Variants in MEP1A observed in about 807,000 individuals in gnomAD.
MEP1A encodes N-benzoyl-L-tyrosyl-P-amino-benzoic acid hydrolase subunit alpha.
MEP1A carries 68 observed loss-of-function variants against 84.5 expected under a neutral mutation model. That is an observed-to-expected ratio of 0.80 (90% CI 0.66 to 0.98). The LOEUF (loss-of-function observed/expected upper bound fraction) is 0.98, where lower values mean the gene tolerates loss of function less well. MEP1A is among the 50% of genes least tolerant of loss of function. The pLI, the probability that MEP1A is intolerant of heterozygous loss-of-function variation, is 0.00. For missense variants in MEP1A, 887 were observed against 919.9 expected, an observed-to-expected ratio of 0.96 and a Z score of 0.46; for synonymous variants, 337 against 336.8, an observed-to-expected ratio of 1.00 and a Z score of -0.01.
chr6:46,817,734 C>T (rs926783644), intron 6 of MEP1A, among the ~76,000 whole-genome samples: 3 of 151,918 alleles, frequency 2.0e-5, no homozygotes, highest in Admixed American at 6.5e-5. Context: ...TTTTTGTTTT[C>T]AAGTGAGTCC....
At chr6:46,842,300 T>A (rs1768347449), downstream of MEP1A, among the ~76,000 whole-genome samples, 1 of 152,094 alleles carries the variant, frequency 6.6e-6, no homozygotes, top group Admixed American at 6.5e-5. Context: ...GCCTGTGGGG[T>A]CGGGCAGAAT....
chr6:46,798,656 T>A lies in MEP1A; in HGVS notation c.186+10T>A, dbSNP rs753562075. ...GGACATCCTCTTGCAGGTGAGTACC[T>A]GTCAATGATGCAATAAGTTTCTCAG... is the stretch of plus-strand genomic sequence containing the variant. On this transcript the variant is annotated intron_variant, in intron 4 of 13. Transcript: ENST00000230588. The A allele has an allele frequency of 6.2e-7, 1 of 1,612,818 alleles. No homozygotes were observed. Among genetic ancestry groups the A allele is most frequent in the East Asian group, 2.2e-5 (1 of 44,870 alleles).
intron 10 of MEP1A, among the ~76,000 whole-genome samples, chr6:46,831,189 A>G (rs754963250): frequency 1.3e-5 from 2 of 152,230 alleles, no homozygotes; most frequent in Non-Finnish European, 2.9e-5. Flanking sequence ...TTAGTTGAAT[A>G]TCACTTAGTG....
rs899473242 is a variant in MEP1A at position 46,823,791 on chromosome 6, A to G, written c.557-1481A>G. ...TTTCCATTAATGCAGCCCAAACAGT[A>G]AATTCCCGATGGTTATTAGTCAATT... On this transcript the variant is annotated intron_variant, in intron 7 of 13. Coordinates refer to ENST00000230588, the MANE Select transcript of MEP1A (RefSeq NM_005588.3). Among the ~76,000 whole-genome samples, 2 of 152,238 alleles carry G rather than the reference A, an allele frequency of 1.3e-5. 1 individual carries two copies. The highest frequency in any genetic ancestry group is 4.1e-4 in the South Asian group (2 of 4,826).
In MEP1A at chr6:46,793,912, G is replaced by T. The variant is rs1168824377; in HGVS notation, c.145+196G>T. 3.3e-5 allele frequency among the ~76,000 whole-genome samples: 5 copies of T among 152,132 alleles called. 1 individual carries two copies. On this transcript the variant is annotated intron_variant, in intron 3 of 13. Transcript: ENST00000230588. ...GATAGTTAGACCAGACTTTCTAGGA[G>T]AGCTAGGAAGTCCTCAATGGATCTA...
the MEP1A span, among the ~76,000 whole-genome samples, chr6:46,845,965 A>G: frequency 6.6e-6 from 1 of 152,258 alleles, no homozygotes; most frequent in Non-Finnish European, 1.5e-5. Flanking sequence ...TGAAAATTAA[A>G]TAAAATTATG....
chr6:46,800,890 A>G (rs1333412048), intron 5 of MEP1A, among the ~76,000 whole-genome samples: 2 of 152,160 alleles, frequency 1.3e-5, no homozygotes, highest in Non-Finnish European at 2.9e-5. Flanking sequence ...TTACAGATAA[A>G]TGAACTCATA....
At chr6:46,815,023 C>T (rs1767601332) in intron 6 of MEP1A, among the ~76,000 whole-genome samples, 1 of 152,174 alleles carries the variant, frequency 6.6e-6, no homozygotes, top group Admixed American at 6.5e-5. Flanking sequence ...GTTGGCAATC[C>T]TCCAGCCAGG....
chr6:46,793,821 GA>G, intron 3 of MEP1A, 105 bp downstream of exon 3: 1 of 810,476 alleles, frequency 1.2e-6, no homozygotes. Context: ...TTCTCTGGGG[GA>G]GAAATATTTT....
chr6:46,838,352 A>G lies in MEP1A; in HGVS notation c.2085-628A>G, dbSNP rs550168093. On this transcript the variant is annotated intron_variant, in intron 13 of 13. Coordinates refer to ENST00000230588, the MANE Select transcript of MEP1A (RefSeq NM_005588.3). ...GGTTATGAGATTAGTTGATCTTTATACCAGATAACATTAAGAAACAAAACT... is the reference window on the plus strand; with the variant it reads ...GGTTATGAGATTAGTTGATCTTTATGCCAGATAACATTAAGAAACAAAACT... 8.3e-4 allele frequency among the ~76,000 whole-genome samples: 126 copies of G among 152,316 alleles called. 1 individual carries two copies. In the South Asian group the frequency reaches 0.018, roughly 22 times the overall value.
At chr6:46,811,363 C>G (rs1207185698) in intron 6 of MEP1A, among the ~76,000 whole-genome samples, 3 of 151,958 alleles carry the variant, frequency 2.0e-5, no homozygotes, top group African/African-American at 7.2e-5. Flanking sequence ...GTTCTAGGAG[C>G]TTTTTGGATG....
intron 5 of MEP1A, among the ~76,000 whole-genome samples, chr6:46,800,450 A>T (rs375094209): frequency 3.0e-4 from 45 of 152,292 alleles, no homozygotes; most frequent in African/African-American, 1.1e-3. Flanking sequence ...CCCCACGCAG[A>T]CCACAGCTTA....
At chr6:46,840,768 T>C (rs1581693743), downstream of MEP1A, among the ~76,000 whole-genome samples, 1 of 152,230 alleles carries the variant, frequency 6.6e-6, no homozygotes, top group South Asian at 2.1e-4. Flanking sequence ...GTTTAATATG[T>C]ATGAAAATAT....
At chr6:46,797,823 T>C (rs1279156499) in intron 3 of MEP1A, among the ~76,000 whole-genome samples, 1 of 149,352 alleles carries the variant, frequency 6.7e-6, no homozygotes, top group African/African-American at 2.5e-5. Flanking sequence ...TCTTTCTTTC[T>C]TTCTTTCTTT....
intron 5 of MEP1A, among the ~76,000 whole-genome samples, chr6:46,804,923 T>C (rs958303602): frequency 6.6e-6 from 1 of 151,892 alleles, no homozygotes; most frequent in Non-Finnish European, 1.5e-5. Flanking sequence ...TTCATATAAA[T>C]GGAATCATAT....
At chr6:46,836,520 C>T (rs1387950590) in intron 13 of MEP1A, among the ~76,000 whole-genome samples, 1 of 152,178 alleles carries the variant, frequency 6.6e-6, no homozygotes, top group Non-Finnish European at 1.5e-5. Context: ...ACCCAGCTTT[C>T]CCTAATGTTA....
downstream of MEP1A, among the ~76,000 whole-genome samples, chr6:46,840,924 AG>A (rs1374666946): frequency 2.0e-5 from 3 of 152,216 alleles, no homozygotes; most frequent in Admixed American, 2.0e-4. Flanking sequence ...CCTCAGAGTT[AG>A]GCCTAAAGAA....
chr6:46,823,950 T>G (rs1046909418), intron 7 of MEP1A, among the ~76,000 whole-genome samples: 8 of 152,218 alleles, frequency 5.3e-5, no homozygotes, highest in Admixed American at 1.3e-4. Context: ...TCCTATTTTA[T>G]TTTTGTTCTC....
chr6:46,802,483 T>A (rs560212600), intron 5 of MEP1A, among the ~76,000 whole-genome samples: 68 of 152,088 alleles, frequency 4.5e-4, no homozygotes, highest in Non-Finnish European at 8.1e-4. Context: ...TAGATTTTTT[T>A]AGGACTTTTA....
Sources: gnomAD v4.1 joint callset for allele counts (sites outside exome capture counted in the v4.1 genomes callset) on GRCh38, gnomAD v4.1.1 for gene constraint, MANE v1.5 for transcripts, NCBI Gene and HGNC (gene_info 2026-07-23, HGNC 2026-07-21) for gene names.